Variants in RARB observed in about 807,000 individuals in gnomAD.
RARB encodes the protein HBV-activated protein.
RARB carries 17 observed loss-of-function variants against 51.9 expected under a neutral mutation model. That is an observed-to-expected ratio of 0.33 (90% CI 0.22 to 0.49). The LOEUF (loss-of-function observed/expected upper bound fraction) is 0.49. Among genes scored for constraint, RARB ranks in the 20% least tolerant of loss-of-function variants. The pLI, the probability that RARB is intolerant of heterozygous loss-of-function variation, is 0.99. For synonymous variants in RARB, 215 were observed against 195.4 expected (o/e 1.10, Z -0.84); for missense variants, 369 against 550.8 (o/e 0.67, Z 3.30).
chr3:24,958,254 G>GGTTTTGTTTTTTTTTTTGTTTT (rs1321125356), intron 2 of RARB, among the ~76,000 whole-genome samples: 1 of 67,408 alleles, frequency 1.5e-5, no homozygotes, highest in African/African-American at 6.2e-5. Context: ...GAGCTGCTCA[G>GGTTTTGTTTTTTTTTTTGTTTT]GTTTTTTTTT....
chr3:25,014,538 G>C (rs190395577), intron 2 of RARB, among the ~76,000 whole-genome samples: 1 of 152,152 alleles, frequency 6.6e-6, no homozygotes, highest in African/African-American at 2.4e-5. Flanking sequence ...CCTTCCAATT[G>C]AACCCAGGTG....
intron 5 of RARB, among the ~76,000 whole-genome samples, chr3:25,347,812 G>T (rs1283825657): frequency 6.6e-6 from 1 of 152,192 alleles, no homozygotes; most frequent in Non-Finnish European, 1.5e-5. Flanking sequence ...ATCATTGCCT[G>T]CAAGACACAT....
At chr3:25,361,144 T>C (rs1235651841) in intron 5 of RARB, among the ~76,000 whole-genome samples, 1 of 152,226 alleles carries the variant, frequency 6.6e-6, no homozygotes, top group Non-Finnish European at 1.5e-5. Context: ...TCTTTTCACA[T>C]AGTCCCATAT....
intron 5 of RARB, among the ~76,000 whole-genome samples, chr3:25,404,051 T>C (rs1046624886): frequency 1.3e-5 from 2 of 152,120 alleles, no homozygotes; most frequent in Non-Finnish European, 2.9e-5. Context: ...AAGAAGAGCC[T>C]AATCTTGGAC....
chr3:25,330,084 A>G (rs1240910589), intron 5 of RARB, among the ~76,000 whole-genome samples: 2 of 152,192 alleles, frequency 1.3e-5, no homozygotes, highest in African/African-American at 2.4e-5. Context: ...AAGTTGGAAA[A>G]CACTCTGCAG....
chr3:25,458,035 T>C (rs928447631), intron 1 of RARB, among the ~76,000 whole-genome samples: 15 of 152,230 alleles, frequency 9.9e-5, no homozygotes, highest in Admixed American at 8.5e-4. Context: ...GTCACTTACG[T>C]TGATATCAGG....
At chr3:25,092,705 G>A (rs1019924628) in intron 3 of RARB, among the ~76,000 whole-genome samples, 10 of 151,964 alleles carry the variant, frequency 6.6e-5, no homozygotes, top group Non-Finnish European at 8.8e-5. Flanking sequence ...TTGATAAGAC[G>A]CCTCTGAGAG....
intron 2 of RARB, among the ~76,000 whole-genome samples, chr3:24,889,212 G>A (rs1559384176): frequency 6.6e-6 from 1 of 152,098 alleles, no homozygotes; most frequent in Non-Finnish European, 1.5e-5. Flanking sequence ...TGATGGGAGT[G>A]CTATCATCAC....
At chr3:25,379,416 A>G (rs1706561462) in intron 5 of RARB, among the ~76,000 whole-genome samples, 1 of 152,210 alleles carries the variant, frequency 6.6e-6, no homozygotes, top group African/African-American at 2.4e-5. Flanking sequence ...ACCTAGTGCC[A>G]TGGGTATGTC....
chr3:25,035,598 T>C (rs1322778137), intron 2 of RARB, among the ~76,000 whole-genome samples: 1 of 152,188 alleles, frequency 6.6e-6, no homozygotes, highest in African/African-American at 2.4e-5. Context: ...CAAACTCATA[T>C]TGATGTTGCT....
chr3:24,843,154 G>A (rs1575032237), intron 1 of RARB, among the ~76,000 whole-genome samples: 1 of 152,134 alleles, frequency 6.6e-6, no homozygotes, highest in East Asian at 1.9e-4. Context: ...TTTAAAAATT[G>A]GATTAATTGG....
intron 4 of RARB, among the ~76,000 whole-genome samples, chr3:25,575,210 G>A (rs1182947647): frequency 2.6e-5 from 4 of 152,132 alleles, no homozygotes; most frequent in South Asian, 4.1e-4. Context: ...TAATGCCGCC[G>A]CTGATCTGAA....
chr3:25,242,933 T>A (rs142216531), intron 5 of RARB, among the ~76,000 whole-genome samples: 1,860 of 152,294 alleles, frequency 0.012, 23 homozygotes, highest in Middle Eastern at 0.044. Flanking sequence ...ATTTTTCCTA[T>A]CCATGAGCAT....
At chr3:25,332,644 C>T (rs577932064) in intron 5 of RARB, among the ~76,000 whole-genome samples, 95 of 152,308 alleles carry the variant, frequency 6.2e-4, no homozygotes, top group Middle Eastern at 3.4e-3. Flanking sequence ...CTCACCACTC[C>T]TATTCAGCAT....
chr3:25,346,012 T>A (rs1367652787), intron 5 of RARB: 1 of 384,184 alleles, frequency 2.6e-6, no homozygotes, highest in African/African-American at 2.2e-5. Flanking sequence ...TGACCCGGGC[T>A]GCGGTTGACT....
intron 5 of RARB, among the ~76,000 whole-genome samples, chr3:25,269,956 G>A (rs953791721): frequency 1.3e-5 from 2 of 152,090 alleles, no homozygotes; most frequent in Admixed American, 6.6e-5. Flanking sequence ...ACTACAGTGA[G>A]ATACCACCGC....
intron 5 of RARB, among the ~76,000 whole-genome samples, chr3:25,333,372 A>G (rs1704963150): frequency 6.6e-6 from 1 of 152,166 alleles, no homozygotes; most frequent in Non-Finnish European, 1.5e-5. Flanking sequence ...AAATAATACC[A>G]CACATCTACG....
chr3:25,116,425 A>G (rs1047713633), intron 3 of RARB, among the ~76,000 whole-genome samples: 41 of 89,222 alleles, frequency 4.6e-4, no homozygotes, highest in African/African-American at 1.4e-3. Flanking sequence ...ATCTTATTAA[A>G]GTTTACAAAA....
chr3:25,201,358 C>A (rs1231840371), intron 5 of RARB, among the ~76,000 whole-genome samples: 1 of 152,142 alleles, frequency 6.6e-6, no homozygotes, highest in Non-Finnish European at 1.5e-5. Context: ...TCTAGATATA[C>A]AATCATGTCA....
Sources: gnomAD v4.1 joint callset for allele counts (sites outside exome capture counted in the v4.1 genomes callset) on GRCh38, gnomAD v4.1.1 for gene constraint, MANE v1.5 for transcripts, NCBI Gene and HGNC (gene_info 2026-07-23, HGNC 2026-07-21) for gene names.